Variants in FYB2 observed in about 807,000 individuals in gnomAD.
FYB2 encodes FYN-binding protein 2.
Under a neutral mutation model 94.1 loss-of-function variants are expected in FYB2, and 103 were observed. The ratio of observed to expected loss-of-function variants is 1.09; its 90% CI spans 0.93 to 1.29. The LOEUF is 1.29. Ranked by LOEUF, FYB2 falls within the 50% of genes most tolerant of loss-of-function variation. The pLI is 0.00. For missense variants in FYB2, 896 were observed against 841.5 expected, an observed-to-expected ratio of 1.06 and a Z score of -0.80; for synonymous variants, 293 against 287.9, an observed-to-expected ratio of 1.02 and a Z score of -0.18.
chr1:56,774,456 C>T (rs1404074303), intron 4 of FYB2, among the ~76,000 whole-genome samples: 1 of 152,168 alleles, frequency 6.6e-6, no homozygotes, highest in African/African-American at 2.4e-5. Flanking sequence ...TACTACTTGT[C>T]CTTTCGAATT....
chr1:56,757,675 T>TTCC (rs1645369643), intron 6 of FYB2, among the ~76,000 whole-genome samples: 7 of 99,012 alleles, frequency 7.1e-5, no homozygotes, highest in African/African-American at 2.8e-4. Context: ...TTCTTTCCTC[T>TTCC]TTCCTTCCTT....
chr1:56,771,558 C>T (rs531240204), intron 4 of FYB2, among the ~76,000 whole-genome samples: 63 of 152,062 alleles, frequency 4.1e-4, no homozygotes, highest in Non-Finnish European at 5.0e-4. Context: ...GTACTGTCCG[C>T]ATTTGGTATG....
rs754040697 is a variant in FYB2 at position 56,720,262 on chromosome 1, A to G, written c.2042T>C (p.Phe681Ser). ...ACSNNSRNGI[F>S]DLPISPGEEL... ...TTCTCCAGGACTTATTGGCAAATCAAATATTCCATTTCTTGAATTATTGGA... is the reference window on the plus strand; with the variant it reads ...TTCTCCAGGACTTATTGGCAAATCAGATATTCCATTTCTTGAATTATTGGA... Residue 681 changes from phenylalanine (F) to serine (S), a missense_variant, in exon 18 of 20, where the codon TTT (phenylalanine) becomes TCT (serine). Transcript: ENST00000343433. The G allele has an allele frequency of 5.0e-6, 8 of 1,612,254 alleles. No individual in the cohort carries two copies. The Admixed American group carries it at 8.4e-5, about 17-fold the overall frequency.
At chr1:56,821,211 A>G (rs753938791), upstream of FYB2, among the ~76,000 whole-genome samples, 9 of 152,184 alleles carry the variant, frequency 5.9e-5, no homozygotes, top group Non-Finnish European at 1.3e-4. Context: ...TCCTAGTGCA[A>G]GGGCTCCCCC....
At chr1:56,816,375 T>C (rs1646882567) in intron 1 of FYB2, among the ~76,000 whole-genome samples, 1 of 152,142 alleles carries the variant, frequency 6.6e-6, no homozygotes, top group Admixed American at 6.5e-5. Flanking sequence ...CAGAAAGTAT[T>C]GGGGTAGAGA....
intron 1 of FYB2, among the ~76,000 whole-genome samples, chr1:56,818,048 C>T (rs1000665965): frequency 3.3e-5 from 5 of 152,164 alleles, no homozygotes; most frequent in African/African-American, 9.7e-5. Flanking sequence ...GATGCCAGTG[C>T]GGATCCTGGC....
At chr1:56,725,722 C>G (rs1367410190) in intron 16 of FYB2, among the ~76,000 whole-genome samples, 10 of 152,000 alleles carry the variant, frequency 6.6e-5, no homozygotes, top group Non-Finnish European at 5.9e-5. Context: ...ACGAGAAGGG[C>G]CATCCAATGC....
chr1:56,809,666 T>C (rs978197910), intron 1 of FYB2, among the ~76,000 whole-genome samples: 6 of 152,176 alleles, frequency 3.9e-5, no homozygotes, highest in Non-Finnish European at 8.8e-5. Flanking sequence ...CTCCTAGAGC[T>C]CCTGTCCCTG....
intron 15 of FYB2, among the ~76,000 whole-genome samples, chr1:56,733,472 T>G (rs1172800041): frequency 6.6e-6 from 1 of 152,134 alleles, no homozygotes; most frequent in Non-Finnish European, 1.5e-5. Context: ...TGCCTTCTGC[T>G]AGCTTTTGAA....
At chr1:56,767,700 A>G (rs1645656567) in intron 5 of FYB2, 129 bp downstream of exon 5, 1 of 705,750 alleles carries the variant, frequency 1.4e-6, no homozygotes. Context: ...AAAAAAGAAA[A>G]AGAAATAAGA....
chr1:56,800,470 C>CA lies in FYB2; in HGVS notation c.10-7668dup, dbSNP rs531170393. ...AGATTAAAAGCTTCCTATGTAAAGG[C>CA]AAAAAAATAAATAAATTAATTAATT... On this transcript the variant is annotated intron_variant, in intron 1 of 19. Coordinates refer to ENST00000343433, the MANE Select transcript of FYB2 (RefSeq NM_001004303.5). Among the ~76,000 whole-genome samples, 63 of 151,796 alleles carry CA rather than the reference C, an allele frequency of 4.2e-4. No homozygotes were observed. The East Asian group carries it at 5.8e-3, about 14-fold the overall frequency.
chr1:56,722,877 CTCA>C (rs1557578437), intron 17 of FYB2, among the ~76,000 whole-genome samples: 11 of 152,016 alleles, frequency 7.2e-5, no homozygotes, highest in Non-Finnish European at 1.0e-4. Context: ...CTTTGTCTCT[CTCA>C]GTCCAGTGTC....
intron 5 of FYB2, among the ~76,000 whole-genome samples, chr1:56,762,527 T>C (rs979153866): frequency 6.6e-6 from 1 of 152,222 alleles, no homozygotes; most frequent in Non-Finnish European, 1.5e-5. Context: ...TATTTGTATG[T>C]TCATTCCTGA....
chr1:56,754,989 G>A lies in FYB2; in HGVS notation c.1130+907C>T, dbSNP rs535697763. The stretch of plus-strand genomic sequence containing the variant: ...AAGGTAGCCCATCCAGCTAAAGCAG[G>A]TTTTCTCCATGATTCAGCACACGTT... On this transcript the variant is annotated intron_variant, in intron 7 of 19. Transcript: ENST00000343433. 5.3e-5 allele frequency among the ~76,000 whole-genome samples: 8 copies of A among 152,164 alleles called. 1 individual carries two copies. In the South Asian group the frequency reaches 1.7e-3, roughly 32 times the overall value.
At chr1:56,772,292 A>G (rs1645776130) in intron 4 of FYB2, among the ~76,000 whole-genome samples, 1 of 152,200 alleles carries the variant, frequency 6.6e-6, no homozygotes, top group African/African-American at 2.4e-5. Context: ...AGATAATTAT[A>G]AAGAAAATTT....
At chr1:56,807,005 C>G (rs941595190) in intron 1 of FYB2, among the ~76,000 whole-genome samples, 1 of 152,172 alleles carries the variant, frequency 6.6e-6, no homozygotes, top group Non-Finnish European at 1.5e-5. Context: ...CAGCCCATCC[C>G]TGATTACATG....
Position 56,751,222 on chromosome 1 carries a change from G to A in FYB2, c.1228-19C>T. 1 of 1,610,882 alleles carries A rather than the reference G, an allele frequency of 6.2e-7. No homozygotes were observed. Among genetic ancestry groups the A allele is most frequent in the South Asian group, 1.1e-5 (1 of 90,866 alleles). ...CATCTACCTAAACATATGCAAAAGG[G>A]AGAATACTGTAGGGCTGTGACTTAC... On this transcript the variant is annotated intron_variant, in intron 8 of 19. Transcript: ENST00000343433.
chr1:56,751,104 T>G lies in FYB2; in HGVS notation c.1327A>C (p.Ile443Leu). 1 of 1,612,932 alleles carries G rather than the reference T, an allele frequency of 6.2e-7. No homozygotes were observed. Among genetic ancestry groups the G allele is most frequent in the Non-Finnish European group, 8.5e-7 (1 of 1,179,272 alleles). Reference protein sequence around the residue: ...LAGKQEAMIDIIQTNPCPEGP... With the variant: ...LAGKQEAMIDLIQTNPCPEGP... ...TCAGGGCAGGGATTTGTCTGGATGA[T>G]GTCAATCATGGCCTCTTGCTTTCCA... Residue 443 changes from isoleucine to leucine, a missense_variant, in exon 9 of 20, where the codon ATC becomes CTC. Coordinates refer to ENST00000343433, the MANE Select transcript of FYB2 (RefSeq NM_001004303.5).
chr1:56,800,673 G>A (rs184459416), intron 1 of FYB2, among the ~76,000 whole-genome samples: 17 of 152,148 alleles, frequency 1.1e-4, no homozygotes, highest in African/African-American at 3.9e-4. Context: ...GGGGTGTAAG[G>A]TTTCAGTTAA....
Sources: allele counts gnomAD v4.1 joint callset (sites outside exome capture counted in the v4.1 genomes callset), GRCh38; gene constraint gnomAD v4.1.1; transcripts MANE v1.5; gene names NCBI Gene and HGNC (gene_info 2026-07-23, HGNC 2026-07-21).